The following PAXIP1 variants were observed in gnomAD, a reference collection of about 807,000 sequenced individuals.
PAXIP1 encodes the protein PAX interacting protein 1.
PAXIP1 carries 19 observed loss-of-function variants against 140.6 expected under a neutral mutation model. That is an observed-to-expected ratio of 0.14 (90% confidence interval 0.09 to 0.20). PAXIP1 has a LOEUF of 0.20. Among genes scored for constraint, PAXIP1 ranks in the 10% least tolerant of loss-of-function variants. The pLI is 1.00. For missense variants in PAXIP1, 920 were observed against 1,208.6 expected, an observed-to-expected ratio of 0.76 and a Z score of 3.54; for synonymous variants, 442 against 444.6, an observed-to-expected ratio of 0.99 and a Z score of 0.07.
intron 6 of PAXIP1, among the ~76,000 whole-genome samples, chr7:154,975,468 CT>C (rs1161452200): frequency 1.3e-5 from 2 of 152,090 alleles, no homozygotes; most frequent in Non-Finnish European, 2.9e-5. Flanking sequence ...AAATCTTCAA[CT>C]TAAAATACGC....
intron 8 of PAXIP1, chr7:154,964,283 C>G (rs576613542): frequency 3.7e-4 from 57 of 153,928 alleles, no homozygotes; most frequent in Middle Eastern, 6.8e-3. Context: ...CAAAACACAT[C>G]TGGTTTTCTG....
chr7:154,961,221 C>A, intron 11 of PAXIP1, 144 bp from the exon 12 acceptor site: 1 of 679,676 alleles, frequency 1.5e-6, no homozygotes. Context: ...TGAGGGTGAC[C>A]CTGAATGGTA....
chr7:155,002,962 G>GCCCGGCCCCGCCCACCCCCCGCC lies in PAXIP1; in HGVS notation c.-56_-34dup. The GCCCGGCCCCGCCCACCCCCCGCC allele has an allele frequency of 4.0e-6, 4 of 1,008,878 alleles. No individual in the cohort carries two copies. The highest frequency in any genetic ancestry group is 4.9e-6 in the Non-Finnish European group (4 of 816,272). 62.5% of individuals were successfully genotyped at this position (1,008,878 alleles called of 1,614,324 possible). The stretch of plus-strand genomic sequence containing the variant: ...GCGGCCCGGGAGGCTCCGCGGCGGC[G>GCCCGGCCCCGCCCACCCCCCGCC]CCCGGCCCCGCCCACCCCCCGCCCC... On this transcript the variant is annotated 5_prime_UTR_variant, in exon 1 of 21. Transcript: ENST00000404141.
In PAXIP1 at chr7:154,968,956, C is replaced by T. The variant is rs61752011; in HGVS notation, c.1245G>A (p.Pro415=). The change falls in exon 7 of 21, where the codon CCG becomes CCA. Residue 415 remains proline (P), a synonymous_variant. Coordinates refer to ENST00000404141, the MANE Select transcript of PAXIP1 (RefSeq NM_007349.4). ...TCTGCTGGGGCTGAAGGTGTAAAAC[C>T]GGGTGCTGCTGCTGCTGCTGCTGGG... ...QQAQQQQQQH[P]VLHLQPQQIM... 405,785 of 1,532,474 alleles carry T rather than the reference C, an allele frequency of 0.26. 56,111 individuals are homozygous for T. The highest frequency in any genetic ancestry group is 0.39 in the Admixed American group (19,801 of 50,802). 94.9% of individuals were successfully genotyped at this position (1,532,474 alleles called of 1,614,324 possible).
intron 6 of PAXIP1, among the ~76,000 whole-genome samples, chr7:154,972,350 G>T (rs11243327): frequency 0.49 from 74,921 of 151,938 alleles, 20,051 homozygotes; most frequent in Middle Eastern, 0.62. Context: ...TTAGCCGGGC[G>T]TGGTAATGGG....
chr7:154,944,240 C>T (rs930436), intron 20 of PAXIP1, 76 bp from the exon 21 acceptor site: 318,890 of 1,324,640 alleles, frequency 0.24, 41,115 homozygotes, highest in Admixed American at 0.32. Context: ...CAACATTCAT[C>T]ATCCAGTTTC....
At position 154,986,805 on chromosome 7, in the gene PAXIP1, G is replaced by T. The variant is rs1810096125; in HGVS notation, c.325-3473C>A. ...CATCACGCTAAGTGATGAACTGCGGGAAGTACAGTAAGTGACCCACAAAGA... is the reference window on the plus strand; with the variant it reads ...CATCACGCTAAGTGATGAACTGCGGTAAGTACAGTAAGTGACCCACAAAGA... On this transcript the variant is annotated intron_variant, in intron 4 of 20. Transcript: ENST00000404141. This position sits in a 1 kb window ranked among gnomAD's most constrained non-coding sequence, Gnocchi z 4.8. Among the ~76,000 whole-genome samples the T allele has an allele frequency of 6.6e-6, 1 of 152,166 alleles. No homozygotes were observed. The highest frequency in any genetic ancestry group is 1.5e-5 in the Non-Finnish European group (1 of 68,026).
At chr7:154,978,729 C>G (rs1809713535) in intron 5 of PAXIP1, among the ~76,000 whole-genome samples, 1 of 151,784 alleles carries the variant, frequency 6.6e-6, no homozygotes, top group Non-Finnish European at 1.5e-5. Flanking sequence ...ATGATTTTTC[C>G]AAGTTAAAAA....
rs1234106417 is a variant in PAXIP1 at position 154,954,067 on chromosome 7, A to G, written c.2821+188T>C. 6.6e-6 allele frequency among the ~76,000 whole-genome samples: 1 copy of G among 152,210 alleles called. No homozygotes were observed. The highest frequency in any genetic ancestry group is 6.5e-5 in the Admixed American group (1 of 15,280). The stretch of plus-strand genomic sequence containing the variant: ...TTGTCCAATTTACCAAAACTTTTAC[A>G]CCTAGGGTAAAATGCAAAGACATCA... On this transcript the variant is annotated intron_variant, in intron 16 of 20. Transcript: ENST00000404141. The surrounding 1 kb of genome is among the most constrained non-coding windows in gnomAD (Gnocchi z 5.1).
At chr7:155,002,548 G>T (rs997633609) in intron 1 of PAXIP1, among the ~76,000 whole-genome samples, 1 of 151,882 alleles carries the variant, frequency 6.6e-6, no homozygotes, top group South Asian at 2.1e-4. Context: ...AGCAGAGAAC[G>T]AGGCGGCCCG....
chr7:154,966,361 T>C (rs55774657), intron 8 of PAXIP1, among the ~76,000 whole-genome samples: 3,504 of 152,284 alleles, frequency 0.023, 134 homozygotes, highest in African/African-American at 0.08. Context: ...GCATTGTGAA[T>C]GTTCCCAGTT....
intron 4 of PAXIP1, among the ~76,000 whole-genome samples, chr7:154,987,568 T>A (rs1200035212): frequency 1.3e-5 from 2 of 152,098 alleles, no homozygotes; most frequent in Non-Finnish European, 2.9e-5. Flanking sequence ...CCACAGCAGC[T>A]CCAAGTTCCT....
rs1279134579 is a variant in PAXIP1, at chr7:154,986,736, GA to G, written c.325-3405del. ...TTGAACAATCTTTCTCAACTTAAAAGAAATGCTTTTATTTTACCCCATGACA... is the reference window on the plus strand; with the variant it reads ...TTGAACAATCTTTCTCAACTTAAAAGAATGCTTTTATTTTACCCCATGACA... On this transcript the variant is annotated intron_variant, in intron 4 of 20. Coordinates refer to ENST00000404141, the MANE Select transcript of PAXIP1 (RefSeq NM_007349.4). The surrounding 1 kb of genome is among the most constrained non-coding windows in gnomAD (Gnocchi z 4.8). Among the ~76,000 whole-genome samples, 1 of 152,138 alleles carries G rather than the reference GA, an allele frequency of 6.6e-6. No individual in the cohort carries two copies. The highest frequency in any genetic ancestry group is 1.5e-5 in the Non-Finnish European group (1 of 68,026).
Position 154,954,414 on chromosome 7 carries a change from T to C in PAXIP1, c.2662A>G (p.Ile888Val), listed in dbSNP as rs1190574141. ...QVQQYIKKLY[I>V]LGGEVAESAQ... ...GACTCCGCAACCTCTCCACCAAGAA[T>C]GTAGAGCTTCTAAAGGTCACAAACA... Residue 888 changes from isoleucine (I) to valine (V), a missense_variant, in exon 16 of 21, where the codon ATT becomes GTT. By Grantham distance (29) the Ile-to-Val change is conservative. Transcript: ENST00000404141. The surrounding 1 kb of genome is among the most constrained non-coding windows in gnomAD (Gnocchi z 5.1). The C allele has an allele frequency of 5.8e-6, 9 of 1,543,274 alleles. No homozygotes were observed. Among genetic ancestry groups the C allele is most frequent in the Admixed American group, 1.8e-5 (1 of 54,426 alleles).
intron 16 of PAXIP1, among the ~76,000 whole-genome samples, chr7:154,953,769 G>T (rs4546614): frequency 1.3e-5 from 2 of 151,974 alleles, no homozygotes; most frequent in Non-Finnish European, 2.9e-5. Flanking sequence ...TACATACCAT[G>T]TCTAAATGTG....
chr7:154,987,003 G>T (rs1464844962), intron 4 of PAXIP1, among the ~76,000 whole-genome samples: 3 of 152,354 alleles, frequency 2.0e-5, no homozygotes, highest in East Asian at 3.9e-4. Flanking sequence ...GACAGTGGGT[G>T]AGCAGAGCCC....
At chr7:154,975,550 AC>A in intron 6 of PAXIP1, 145 bp downstream of exon 6, 1 of 611,364 alleles carries the variant, frequency 1.6e-6, no homozygotes, top group South Asian at 2.0e-5. Context: ...ACACACACAC[AC>A]ACACAAGTAA....
rs1808401998 is a variant in PAXIP1, at chr7:154,954,060, CTT to C, written c.2821+193_2821+194del. On this transcript the variant is annotated intron_variant, in intron 16 of 20. Coordinates refer to ENST00000404141, the MANE Select transcript of PAXIP1 (RefSeq NM_007349.4). The surrounding 1 kb of genome is among the most constrained non-coding windows in gnomAD (Gnocchi z 5.1). ...CCTAATATTGTCCAATTTACCAAAA[CTT>C]TTACACCTAGGGTAAAATGCAAAGA... Among the ~76,000 whole-genome samples the C allele has an allele frequency of 1.3e-5, 2 of 152,166 alleles. No homozygotes were observed.
chr7:154,944,404 C>A, intron 20 of PAXIP1: 1 of 398,906 alleles, frequency 2.5e-6, no homozygotes, highest in Non-Finnish European at 4.6e-6. Flanking sequence ...GCAAGGTATC[C>A]ACCATGCGGC....
Sources: gnomAD v4.1 joint callset for allele counts (sites outside exome capture counted in the v4.1 genomes callset) on GRCh38, gnomAD v4.1.1 for gene constraint, Gnocchi (gnomAD v3.1) non-coding constraint, MANE v1.5 for transcripts, NCBI Gene and HGNC (gene_info 2026-07-23, HGNC 2026-07-21) for gene names.